RBM6: variants seen among roughly 807,000 people sequenced by gnomAD.
RBM6 encodes the protein RNA binding motif protein 6.
A neutral mutation model predicts 140.4 loss-of-function variants in RBM6; 23 were observed. The ratio of observed to expected loss-of-function variants is 0.16; its 90% CI spans 0.12 to 0.23. The LOEUF is 0.23. Ranked by LOEUF, RBM6 falls within the 10% of genes least tolerant of loss-of-function variation. The probability of loss-of-function intolerance (pLI) is 1.00; values close to 1 mark genes in which losing one functional copy is unlikely to be tolerated. For missense variants in RBM6, 1,139 were observed against 1,386.7 expected (o/e 0.82, Z 2.84); for synonymous variants, 439 against 475.6 (o/e 0.92, Z 1.00).
chr3:49,956,390 C>T (rs1208550121), intron 1 of RBM6, among the ~76,000 whole-genome samples: 8 of 123,426 alleles, frequency 6.5e-5, no homozygotes, highest in Non-Finnish European at 1.1e-4. Flanking sequence ...GGCTGGAGTG[C>T]AGTGGCATGA....
chr3:50,071,178 T>C (rs1375153920), intron 19 of RBM6, among the ~76,000 whole-genome samples: 2 of 152,206 alleles, frequency 1.3e-5, no homozygotes, highest in African/African-American at 4.8e-5. Flanking sequence ...GGGAATTTCA[T>C]ATACCAGGGA....
intron 5 of RBM6, among the ~76,000 whole-genome samples, chr3:49,993,770 A>T (rs1248954794): frequency 3.3e-5 from 5 of 151,924 alleles, no homozygotes; most frequent in Non-Finnish European, 2.9e-5. Flanking sequence ...ATAAGATTTC[A>T]AGGTGATGGG....
chr3:49,979,436 TTG>T lies in RBM6; in HGVS notation c.1483+4046_1483+4047del, dbSNP rs1181778309. Among the ~76,000 whole-genome samples, 17 of 150,742 alleles carry T rather than the reference TTG, an allele frequency of 1.1e-4. No homozygotes were observed. In the East Asian group the frequency reaches 2.1e-3, roughly 19 times the overall value. Reference sequence around the variant, plus strand: ...TTTATTTGATGTGTATTTGCTTACTTTGTTTTTTTTTTTTTTTTTTGAGATGA... The same window carrying T: ...TTTATTTGATGTGTATTTGCTTACTTTTTTTTTTTTTTTTTTTTGAGATGA... On this transcript the variant is annotated intron_variant, in intron 5 of 20. Transcript: ENST00000266022.
intron 7 of RBM6, among the ~76,000 whole-genome samples, chr3:50,050,020 A>C (rs550318406): frequency 2.3e-4 from 34 of 151,028 alleles, no homozygotes; most frequent in African/African-American, 8.0e-4. Context: ...CTTTTTTTTG[A>C]GACAGGATCT....
At chr3:50,034,392 ACT>A (rs1384908879) in intron 6 of RBM6, among the ~76,000 whole-genome samples, 2 of 149,914 alleles carry the variant, frequency 1.3e-5, no homozygotes, top group African/African-American at 4.9e-5. Flanking sequence ...ATATTTTCTC[ACT>A]CTCTTTTTGT....
intron 2 of RBM6, among the ~76,000 whole-genome samples, chr3:49,964,170 G>A (rs913774189): frequency 6.6e-6 from 1 of 152,056 alleles, no homozygotes; most frequent in Non-Finnish European, 1.5e-5. Flanking sequence ...GCCTCCCAAA[G>A]TGCTGGGACT....
rs183651911 is a variant in RBM6 at position 50,046,154 on chromosome 3, G to T, written c.1558-2091G>T. On this transcript the variant is annotated intron_variant, in intron 6 of 20. Transcript: ENST00000266022. ...AAATTAGCCAGGCATGGTGGTGTGC[G>T]CCTGTAGTCCCAGCTACTCGGGAGG... 2.6e-3 allele frequency among the ~76,000 whole-genome samples: 400 copies of T among 151,852 alleles called. 2 individuals carry two copies. Among genetic ancestry groups the T allele is most frequent in the Non-Finnish European group, 4.7e-3 (319 of 67,962 alleles).
chr3:49,962,267 G>A (rs954705630), intron 1 of RBM6, among the ~76,000 whole-genome samples: 2 of 149,512 alleles, frequency 1.3e-5, no homozygotes, highest in African/African-American at 4.9e-5. Context: ...AGTAAACCCC[G>A]TCTCTACTAA....
chr3:49,998,478 G>A (rs1303749925), intron 5 of RBM6, among the ~76,000 whole-genome samples: 1 of 152,186 alleles, frequency 6.6e-6, no homozygotes, highest in Admixed American at 6.5e-5. Context: ...CACTTGGGGA[G>A]CACTGCATTG....
chr3:50,048,257 A>T lies in RBM6; in HGVS notation c.1570A>T (p.Ile524Phe), dbSNP rs779039188. Reference sequence around the variant, plus strand: ...TTTGTCTTTACAGGGAACTCTAATGATCCAGGACAAAGAAGTTACCCTGGA... The same window carrying T: ...TTTGTCTTTACAGGGAACTCTAATGTTCCAGGACAAAGAAGTTACCCTGGA... ...CMEANQGTLM[I>F]QDKEVTLEYV... Residue 524 changes from isoleucine (I) to phenylalanine (F), a missense_variant, in exon 7 of 21, where the codon ATC (isoleucine) becomes TTC (phenylalanine). Ile to Phe is a conservative substitution (Grantham distance 21). Coordinates refer to ENST00000266022, the MANE Select transcript of RBM6 (RefSeq NM_005777.3). 3.7e-6 allele frequency: 6 copies of T among 1,613,212 alleles called. No individual in the cohort carries two copies. The highest frequency in any genetic ancestry group is 5.1e-6 in the Non-Finnish European group (6 of 1,179,644).
At chr3:50,019,914 A>G (rs1222424988) in intron 6 of RBM6, among the ~76,000 whole-genome samples, 1 of 151,040 alleles carries the variant, frequency 6.6e-6, no homozygotes, top group Non-Finnish European at 1.5e-5. Flanking sequence ...GATTACATTA[A>G]TTGATTTTTT....
intron 1 of RBM6, among the ~76,000 whole-genome samples, chr3:49,958,305 C>G (rs2084102587): frequency 6.6e-6 from 1 of 152,072 alleles, no homozygotes; most frequent in African/African-American, 2.4e-5. Context: ...CCTGTAATCC[C>G]AGCACTTTGG....
chr3:50,024,449 TA>T (rs1400927283), intron 6 of RBM6, among the ~76,000 whole-genome samples: 1 of 152,092 alleles, frequency 6.6e-6, no homozygotes, highest in African/African-American at 2.4e-5. Flanking sequence ...CTCCCACAGG[TA>T]GTCACTGAGT....
chr3:50,062,702 A>C (rs1201850122), intron 15 of RBM6, among the ~76,000 whole-genome samples: 1 of 151,952 alleles, frequency 6.6e-6, no homozygotes, highest in Non-Finnish European at 1.5e-5. Flanking sequence ...GACTTTATAC[A>C]CATTTCTCTA....
chr3:50,043,543 T>TACATACATACATATATGTATGTACAC (rs1185270216), intron 6 of RBM6, among the ~76,000 whole-genome samples: 2 of 150,712 alleles, frequency 1.3e-5, no homozygotes, highest in African/African-American at 2.4e-5. Flanking sequence ...TACATATACA[T>TACATACATACATATATGTATGTACAC]ACATACATAC....
intron 6 of RBM6, among the ~76,000 whole-genome samples, chr3:50,005,686 G>A (rs2086538403): frequency 6.6e-6 from 1 of 152,122 alleles, no homozygotes; most frequent in South Asian, 2.1e-4. Context: ...CCAATAATCT[G>A]TAGGTTGAAG....
chr3:50,056,320 A>T (rs559934795), intron 8 of RBM6, among the ~76,000 whole-genome samples: 1 of 149,966 alleles, frequency 6.7e-6, no homozygotes, highest in Non-Finnish European at 1.5e-5. Flanking sequence ...TTTGAGACGG[A>T]GTCTTGCTCT....
intron 1 of RBM6, among the ~76,000 whole-genome samples, chr3:49,959,089 G>A (rs1229389544): frequency 1.3e-5 from 2 of 151,790 alleles, no homozygotes; most frequent in Non-Finnish European, 2.9e-5. Flanking sequence ...CACTGTGCCC[G>A]GACTGAAGAA....
At chr3:50,041,903 A>G (rs573603058) in intron 6 of RBM6, among the ~76,000 whole-genome samples, 23 of 152,324 alleles carry the variant, frequency 1.5e-4, no homozygotes, top group African/African-American at 5.5e-4. Flanking sequence ...GGGAAGTGTC[A>G]TGAATGGACT....
Sources: allele counts gnomAD v4.1 joint callset (sites outside exome capture counted in the v4.1 genomes callset), GRCh38; gene constraint gnomAD v4.1.1; transcripts MANE v1.5; gene names NCBI Gene and HGNC (gene_info 2026-07-23, HGNC 2026-07-21).